IQGAP1: variants seen among roughly 807,000 people sequenced by gnomAD.
IQGAP1 encodes ras GTPase-activating-like protein IQGAP1.
IQGAP1 carries 66 observed loss-of-function variants against 215.6 expected under a neutral mutation model. The ratio of observed to expected loss-of-function variants is 0.31; its 90% CI spans 0.25 to 0.38. IQGAP1 has a LOEUF of 0.38. IQGAP1 is among the 10% of genes least tolerant of loss of function. The pLI is 1.00. For synonymous variants in IQGAP1, 772 were observed against 728.7 expected (o/e 1.06, Z -0.96); for missense variants, 1,712 against 1,997.1 (o/e 0.86, Z 2.72).
chr15:90,474,155 A>G, intron 22 of IQGAP1, 22 bp downstream of exon 22: 3 of 1,595,320 alleles, frequency 1.9e-6, no homozygotes, highest in Non-Finnish European at 2.6e-6. Context: ...GCTCCGCATG[A>G]AGAGTTGAGG....
intron 1 of IQGAP1, among the ~76,000 whole-genome samples, chr15:90,389,152 C>T (rs1964598148): frequency 6.6e-6 from 1 of 152,020 alleles, no homozygotes; most frequent in Admixed American, 6.6e-5. Flanking sequence ...TATTGTGCCA[C>T]GTTTGTGAAA....
At chr15:90,442,514 G>A (rs540214217) in intron 8 of IQGAP1, among the ~76,000 whole-genome samples, 10 of 152,226 alleles carry the variant, frequency 6.6e-5, no homozygotes, top group Non-Finnish European at 1.3e-4. Context: ...ATGACAAAAC[G>A]AAGACAATCC....
At position 90,500,251 on chromosome 15, in the gene IQGAP1, A is replaced by C; in HGVS notation, c.*143A>C. ...ATACACTCCCGATGCCACATTTTTA[A>C]CTCCTCTCGCTCTGATGGGACATTT... On this transcript the variant is annotated 3_prime_UTR_variant, in exon 38 of 38. Transcript: ENST00000268182. 1 of 583,512 alleles carries C rather than the reference A, an allele frequency of 1.7e-6. No homozygotes were observed. Among genetic ancestry groups the C allele is most frequent in the Non-Finnish European group, 3.1e-6 (1 of 322,414 alleles). The allele number at this position is 583,512 out of a possible 1,614,324, so 36.1% of individuals were successfully genotyped here.
chr15:90,394,834 TG>T (rs1964689858), intron 2 of IQGAP1, among the ~76,000 whole-genome samples: 4 of 152,330 alleles, frequency 2.6e-5, no homozygotes, highest in African/African-American at 9.6e-5. Flanking sequence ...TTTAGTACAG[TG>T]GCCCCATTGT....
chr15:90,392,748 C>CTTTTTTTTTTTTTTTTTTTTTT (rs10701656), intron 2 of IQGAP1, among the ~76,000 whole-genome samples: 2 of 117,826 alleles, frequency 1.7e-5, no homozygotes, highest in Non-Finnish European at 3.3e-5. Context: ...ATGTTTCTAT[C>CTTTTTTTTTTTTTTTTTTTTTT]TTTTTTTTTT....
In IQGAP1 at chr15:90,492,501, T is replaced by G. The variant is rs371379008; in HGVS notation, c.4462-44T>G. 125 of 1,474,038 alleles carry G rather than the reference T, an allele frequency of 8.5e-5. 4 individuals are homozygous for G. In the South Asian group the frequency reaches 1.2e-3, roughly 14 times the overall value. 91.3% of individuals were successfully genotyped at this position (1,474,038 alleles called of 1,614,324 possible). On this transcript the variant is annotated intron_variant, in intron 34 of 37. Transcript: ENST00000268182. ...GCTGGGTTGTAGTGTGAAATGATAA[T>G]GATAACTGTCGTTATTTTTCTAACT...
intron 18 of IQGAP1, among the ~76,000 whole-genome samples, chr15:90,469,219 T>C (rs1007277469): frequency 1.3e-5 from 2 of 152,214 alleles, no homozygotes; most frequent in African/African-American, 4.8e-5. Flanking sequence ...AGTAAGCTCC[T>C]GTAGGTCGTT....
intron 34 of IQGAP1, 126 bp from the exon 35 acceptor site, chr15:90,492,419 T>TTA (rs1179317466): frequency 1.3e-5 from 5 of 371,098 alleles, no homozygotes; most frequent in East Asian, 4.9e-5. Flanking sequence ...ACAGAGTGTC[T>TTA]AAAAAAAAAA....
At position 90,453,171 on chromosome 15, in the gene IQGAP1, A is replaced by T. The variant is rs374115874; in HGVS notation, c.1366A>T (p.Met456Leu). 55 of 1,613,676 alleles carry T rather than the reference A, an allele frequency of 3.4e-5. No homozygotes were observed. The highest frequency in any genetic ancestry group is 5.3e-5 in the African/African-American group (4 of 74,828). The change falls in exon 13 of 38, where the codon ATG becomes TTG. Residue 456 changes from methionine (M) to leucine (L), a missense_variant. This residue lies in a region of IQGAP1 where 1,021 missense variants were observed against 1,074.2 expected (regional missense o/e 0.95). Transcript: ENST00000268182. ...CCCAGAGCTCTCTGTCGCAGTGGAG[A>T]TGTTGTCATCGGTGGCCCTGATCAA... Reference protein sequence around the residue: ...THPELSVAVEMLSSVALINRA... With the variant: ...THPELSVAVELLSSVALINRA...
chr15:90,426,315 T>A (rs752317502), intron 3 of IQGAP1, 49 bp downstream of exon 3: 1 of 1,556,904 alleles, frequency 6.4e-7, no homozygotes, highest in Non-Finnish European at 8.6e-7. Context: ...CTTGAGAAAG[T>A]TAGCATGTTT....
At chr15:90,467,769 T>G (rs1596281431) in intron 18 of IQGAP1, among the ~76,000 whole-genome samples, 177 bp downstream of exon 18, 1 of 152,212 alleles carries the variant, frequency 6.6e-6, no homozygotes, top group South Asian at 2.1e-4. Context: ...AGGCCTGAAT[T>G]TGTAAAACAT....
rs1346969497 is a variant in IQGAP1 at position 90,483,544 on chromosome 15, C to T, written c.3739C>T (p.His1247Tyr). Residue 1247 changes from histidine to tyrosine, a missense_variant, in exon 29 of 38, where the codon CAC becomes TAC. Physicochemically the swap from His to Tyr is moderately conservative, Grantham distance 83. Coordinates refer to ENST00000268182, the MANE Select transcript of IQGAP1 (RefSeq NM_003870.4). ...SNKMFLGDNA[H>Y]LSIINEYLSQ... ...TAAGATGTTTCTGGGAGATAATGCC[C>T]ACTTAAGCATCATTAATGAATATCT... is the stretch of plus-strand genomic sequence containing the variant. 1 of 1,613,992 alleles carries T rather than the reference C, an allele frequency of 6.2e-7. No homozygotes were observed. Among genetic ancestry groups the T allele is most frequent in the African/African-American group, 1.3e-5 (1 of 75,030 alleles).
intron 37 of IQGAP1, 32 bp from the exon 38 acceptor site, chr15:90,499,963 T>TTTTGG: frequency 7.5e-6 from 1 of 132,782 alleles, no homozygotes; most frequent in Non-Finnish European, 1.8e-5. Flanking sequence ...TGTCAAAATG[T>TTTTGG]TTTGTTTTGT....
At position 90,448,649 on chromosome 15, in the gene IQGAP1, A is replaced by G. The variant is rs762555070; in HGVS notation, c.990A>G (p.Ser330=). 17 of 1,612,554 alleles carry G rather than the reference A, an allele frequency of 1.1e-5. No individual in the cohort carries two copies. In the South Asian group the frequency reaches 1.8e-4, roughly 17 times the overall value. Residue 330 remains serine, a synonymous_variant, in exon 10 of 38, where the codon TCA becomes TCG. Transcript: ENST00000268182. The stretch of plus-strand genomic sequence containing the variant: ...TGGCCTTGTTCAGGGCTCTGCAGTC[A>G]CCAGCCCTGGGGCTTCGAGGACTGC... ...DALALFRALQ[S]PALGLRGLQQ...
intron 2 of IQGAP1, among the ~76,000 whole-genome samples, chr15:90,416,578 C>CTTTTTTTTTT (rs59801805): frequency 3.6e-5 from 5 of 139,300 alleles, no homozygotes; most frequent in African/African-American, 1.1e-4. Context: ...TGTTTCCTGA[C>CTTTTTTTTTT]TTTTTTTTTT....
intron 6 of IQGAP1, among the ~76,000 whole-genome samples, chr15:90,439,744 T>A (rs1411819904): frequency 5.3e-5 from 8 of 152,148 alleles, no homozygotes; most frequent in Admixed American, 5.2e-4. Flanking sequence ...CCCTTTCCAT[T>A]CCAGCAAGCA....
chr15:90,461,172 G>A (rs559626284), intron 15 of IQGAP1, among the ~76,000 whole-genome samples: 1 of 152,104 alleles, frequency 6.6e-6, no homozygotes, highest in African/African-American at 2.4e-5. Context: ...GCCAGGCGTG[G>A]TGGCAGGCAC....
At chr15:90,483,268 T>C in intron 28 of IQGAP1, 93 bp from the exon 29 acceptor site, 1 of 848,236 alleles carries the variant, frequency 1.2e-6, no homozygotes. Flanking sequence ...CTCATAGGAC[T>C]GCATTTTCTG....
chr15:90,425,605 A>G (rs1965210711), intron 2 of IQGAP1, among the ~76,000 whole-genome samples: 1 of 152,124 alleles, frequency 6.6e-6, no homozygotes, highest in Non-Finnish European at 1.5e-5. Context: ...TTCTTTTAAT[A>G]TTTTAGCTGA....
Sources: gnomAD v4.1 joint callset for allele counts (sites outside exome capture counted in the v4.1 genomes callset) on GRCh38, gnomAD v4.1.1 for gene constraint, gnomAD v4.1.1 regional missense constraint, MANE v1.5 for transcripts, NCBI Gene and HGNC (gene_info 2026-07-23, HGNC 2026-07-21) for gene names.